RARB: variants seen among roughly 807,000 people sequenced by gnomAD.
RARB encodes retinoic acid receptor beta, also known as HBV-activated protein.
Under a neutral mutation model 51.9 loss-of-function variants are expected in RARB, and 17 were observed. The ratio of observed to expected loss-of-function variants is 0.33; its 90% CI spans 0.22 to 0.49. The LOEUF is 0.49. RARB is among the 20% of genes least tolerant of loss of function. RARB has a pLI of 0.99. For missense variants in RARB, 369 were observed against 550.8 expected (o/e 0.67, Z 3.30); for synonymous variants, 215 against 195.4 (o/e 1.10, Z -0.84).
chr3:24,975,517 C>G (rs1696491298), intron 2 of RARB, among the ~76,000 whole-genome samples: 1 of 152,094 alleles, frequency 6.6e-6, no homozygotes, highest in Admixed American at 6.6e-5. Flanking sequence ...CACTGAGATG[C>G]AGAAAGAGAA....
At chr3:25,071,295 T>A (rs1698761131) in intron 3 of RARB, among the ~76,000 whole-genome samples, 1 of 152,244 alleles carries the variant, frequency 6.6e-6, no homozygotes, top group African/African-American at 2.4e-5. Context: ...GGGTGCTAGC[T>A]GATTTTGATA....
intron 5 of RARB, among the ~76,000 whole-genome samples, chr3:25,176,510 C>T (rs182959672): frequency 6.6e-6 from 1 of 151,308 alleles, no homozygotes; most frequent in African/African-American, 2.4e-5. Context: ...TTTCTCCCAC[C>T]TCAACCCTCT....
At chr3:25,099,783 G>A (rs975125133) in intron 3 of RARB, among the ~76,000 whole-genome samples, 1 of 152,004 alleles carries the variant, frequency 6.6e-6, no homozygotes, top group Admixed American at 6.6e-5. Flanking sequence ...AGACCTGAAC[G>A]TGGTGCATCC....
chr3:25,497,647 C>T (rs1292754880), intron 2 of RARB, among the ~76,000 whole-genome samples: 1 of 152,130 alleles, frequency 6.6e-6, no homozygotes, highest in East Asian at 1.9e-4. Context: ...TGCTCAAGTC[C>T]TCTCAGTGAC....
chr3:24,942,266 A>T (rs1695682854), intron 2 of RARB, among the ~76,000 whole-genome samples: 1 of 152,230 alleles, frequency 6.6e-6, no homozygotes, highest in Non-Finnish European at 1.5e-5. Flanking sequence ...AAACCAAAAT[A>T]GCTCTGTAGC....
intron 5 of RARB, among the ~76,000 whole-genome samples, chr3:25,359,320 G>A (rs1705850351): frequency 1.3e-5 from 2 of 151,922 alleles, no homozygotes; most frequent in African/African-American, 4.8e-5. Context: ...TGGGTTCAGT[G>A]GTGATCTCCC....
chr3:25,228,804 T>G (rs1702114105), intron 5 of RARB, among the ~76,000 whole-genome samples: 1 of 152,172 alleles, frequency 6.6e-6, no homozygotes, highest in Non-Finnish European at 1.5e-5. Context: ...GGATAGTCTC[T>G]CACCAGTGTA....
chr3:24,947,127 A>G (rs189657611), intron 2 of RARB, among the ~76,000 whole-genome samples: 4 of 152,314 alleles, frequency 2.6e-5, no homozygotes, highest in Admixed American at 6.5e-5. Context: ...AAGACAAGAC[A>G]TATGTCTACA....
At chr3:25,502,606 A>G (rs983237294) in intron 3 of RARB, among the ~76,000 whole-genome samples, 1 of 152,186 alleles carries the variant, frequency 6.6e-6, no homozygotes, top group Non-Finnish European at 1.5e-5. Context: ...GGATCCACTC[A>G]GTCAATTAAA....
intron 3 of RARB, among the ~76,000 whole-genome samples, chr3:25,092,654 G>T (rs777737307): frequency 2.6e-5 from 4 of 152,082 alleles, no homozygotes; most frequent in South Asian, 4.1e-4. Context: ...GAATGTGGGA[G>T]ATTTTTTTAA....
intron 2 of RARB, among the ~76,000 whole-genome samples, chr3:25,027,370 A>G (rs1397004309): frequency 6.6e-6 from 1 of 152,146 alleles, no homozygotes; most frequent in Admixed American, 6.5e-5. Flanking sequence ...CAATATGGGC[A>G]AGACATGGCT....
chr3:24,925,030 T>C (rs1229942407), intron 2 of RARB, among the ~76,000 whole-genome samples: 1 of 152,114 alleles, frequency 6.6e-6, no homozygotes, highest in Non-Finnish European at 1.5e-5. Context: ...TCACCCAATA[T>C]TCTTTGGCAC....
chr3:25,384,662 C>G (rs922021193), intron 5 of RARB, among the ~76,000 whole-genome samples: 1 of 152,178 alleles, frequency 6.6e-6, no homozygotes, highest in Non-Finnish European at 1.5e-5. Flanking sequence ...ACATTCTTTT[C>G]TCTGCTACAA....
intron 5 of RARB, among the ~76,000 whole-genome samples, chr3:25,180,538 G>C (rs985775527): frequency 6.6e-6 from 1 of 152,196 alleles, no homozygotes; most frequent in Non-Finnish European, 1.5e-5. Flanking sequence ...AGCGATGGGA[G>C]ATTAGCCTCC....
At chr3:25,596,376 T>TA (rs1295281510) in intron 7 of RARB, 44 bp from the exon 8 acceptor site, 19 of 1,496,352 alleles carry the variant, frequency 1.3e-5, no homozygotes, top group Non-Finnish European at 1.8e-5. Context: ...TGTCATAGCT[T>TA]AACTCCTTAT....
intron 3 of RARB, among the ~76,000 whole-genome samples, chr3:25,123,493 T>C (rs1699815172): frequency 6.6e-6 from 1 of 152,224 alleles, no homozygotes; most frequent in Non-Finnish European, 1.5e-5. Context: ...ATGTATCTCT[T>C]TCACACTGAC....
chr3:24,970,032 G>T, intron 2 of RARB, among the ~76,000 whole-genome samples: 1 of 152,112 alleles, frequency 6.6e-6, no homozygotes, highest in East Asian at 1.9e-4. Context: ...ATATAAAGGA[G>T]CAGACAGTAC....
At chr3:24,905,337 T>A (rs1694837586) in intron 2 of RARB, among the ~76,000 whole-genome samples, 1 of 152,222 alleles carries the variant, frequency 6.6e-6, no homozygotes, top group African/African-American at 2.4e-5. Flanking sequence ...CTTGTTTGAC[T>A]CATTGTCTTA....
At chr3:24,869,052 G>C (rs1702899511) in intron 2 of RARB, among the ~76,000 whole-genome samples, 2 of 152,108 alleles carry the variant, frequency 1.3e-5, no homozygotes, top group African/African-American at 4.8e-5. Context: ...AAATATTTTA[G>C]AGTTGGACTC....
Sources: allele counts gnomAD v4.1 joint callset (sites outside exome capture counted in the v4.1 genomes callset), GRCh38; gene constraint gnomAD v4.1.1; transcripts MANE v1.5; gene names NCBI Gene and HGNC (gene_info 2026-07-23, HGNC 2026-07-21).